Variants in FBXL7 observed in about 807,000 individuals in gnomAD.
The protein encoded by FBXL7 is F-box/LRR-repeat protein 7.
A neutral mutation model predicts 38.3 loss-of-function variants in FBXL7; 12 were observed. The ratio of observed to expected loss-of-function variants is 0.31; its 90% CI spans 0.20 to 0.51. The LOEUF is 0.51. Among genes scored for constraint, FBXL7 ranks in the 20% least tolerant of loss-of-function variants. The pLI is 0.98. For synonymous variants in FBXL7, 297 were observed against 300.9 expected (o/e 0.99, Z 0.13); for missense variants, 567 against 676.4 (o/e 0.84, Z 1.79).
At position 15,591,922 on chromosome 5, in the gene FBXL7, G is replaced by T. The variant is rs538984531; in HGVS notation, c.38-24061G>T. On this transcript the variant is annotated intron_variant, in intron 1 of 3. Transcript: ENST00000504595. ...AGATGGGGTTTCACCATGTTGGCCA[G>T]GATGGTCTTGATCTCTTGACCTTGT... Among the ~76,000 whole-genome samples, 51 of 152,246 alleles carry T rather than the reference G, an allele frequency of 3.3e-4. 1 individual carries two copies. Among genetic ancestry groups the T allele is most frequent in the African/African-American group, 1.1e-3 (46 of 41,560 alleles).
At chr5:15,580,665 G>T in intron 1 of FBXL7, 1 of 985,430 alleles carries the variant, frequency 1.0e-6, no homozygotes, top group Non-Finnish European at 1.2e-6. Context: ...AAGGCAACAT[G>T]AAAATTAACC....
chr5:15,699,210 C>T (rs975454064), intron 2 of FBXL7, among the ~76,000 whole-genome samples: 1 of 152,080 alleles, frequency 6.6e-6, no homozygotes, highest in African/African-American at 2.4e-5. Context: ...CTGGGGGCTA[C>T]CGAAACAAAG....
chr5:15,725,073 CTT>C (rs1329632805), intron 2 of FBXL7, among the ~76,000 whole-genome samples: 2 of 152,192 alleles, frequency 1.3e-5, no homozygotes, highest in African/African-American at 4.8e-5. Flanking sequence ...ACTATTTACA[CTT>C]TCTGTGTCCT....
intron 2 of FBXL7, among the ~76,000 whole-genome samples, chr5:15,622,032 C>T (rs1189772507): frequency 6.6e-6 from 1 of 152,022 alleles, no homozygotes; most frequent in East Asian, 1.9e-4. Flanking sequence ...GAAAGACATG[C>T]ACAAATAGCT....
At chr5:15,875,227 T>C (rs556875789) in intron 2 of FBXL7, among the ~76,000 whole-genome samples, 2 of 152,332 alleles carry the variant, frequency 1.3e-5, no homozygotes, top group African/African-American at 4.8e-5. Context: ...AAGTTGACAC[T>C]GGACCCCTTC....
At position 15,902,199 on chromosome 5, in the gene FBXL7, A is replaced by T. The variant is rs1429627536; in HGVS notation, c.128-25691A>T. On this transcript the variant is annotated intron_variant, in intron 2 of 3. Transcript: ENST00000504595. ...GGCTGAGTTTTCCCCCTTCCCCCACAGCATGTTCAATATTTGGATTGGAAC... is the reference window on the plus strand; with the variant it reads ...GGCTGAGTTTTCCCCCTTCCCCCACTGCATGTTCAATATTTGGATTGGAAC... Among the ~76,000 whole-genome samples, 5 of 152,122 alleles carry T rather than the reference A, an allele frequency of 3.3e-5. No individual in the cohort carries two copies. In the East Asian group the frequency reaches 9.6e-4, roughly 29 times the overall value.
intron 2 of FBXL7, among the ~76,000 whole-genome samples, chr5:15,768,365 A>T (rs1209775104): frequency 6.6e-6 from 1 of 152,036 alleles, no homozygotes; most frequent in Non-Finnish European, 1.5e-5. Context: ...CCCAGTCCCT[A>T]CTGAAAATAC....
At chr5:15,647,576 G>A (rs1741571703) in intron 2 of FBXL7, among the ~76,000 whole-genome samples, 1 of 152,174 alleles carries the variant, frequency 6.6e-6, no homozygotes, top group South Asian at 2.1e-4. Context: ...TGCGGTGAAT[G>A]TAGTGAATTA....
In FBXL7 at chr5:15,517,007, TTTTTTA is replaced by T. The variant is rs569391751; in HGVS notation, c.37+16312_37+16317del. 1.5e-3 allele frequency among the ~76,000 whole-genome samples: 235 copies of T among 152,018 alleles called. 1 individual carries two copies. Among genetic ancestry groups the T allele is most frequent in the African/African-American group, 5.5e-3 (228 of 41,414 alleles). ...AATACATAGATATTGGGTTTTTTAT[TTTTTTA>T]TTTTTATTTTTATTTTTTATTTTTA... On this transcript the variant is annotated intron_variant, in intron 1 of 3. Transcript: ENST00000504595.
At chr5:15,588,687 G>C (rs1481751939) in intron 1 of FBXL7, among the ~76,000 whole-genome samples, 1 of 151,976 alleles carries the variant, frequency 6.6e-6, no homozygotes, top group Non-Finnish European at 1.5e-5. Context: ...GCGCCCGGCC[G>C]CCATGTTGTA....
chr5:15,699,426 C>T (rs1008078424), intron 2 of FBXL7, among the ~76,000 whole-genome samples: 4 of 152,168 alleles, frequency 2.6e-5, no homozygotes, highest in African/African-American at 9.7e-5. Flanking sequence ...CCTCTTCCTT[C>T]GCCATCCCGT....
At chr5:15,713,910 C>T (rs1049524887) in intron 2 of FBXL7, among the ~76,000 whole-genome samples, 5 of 152,198 alleles carry the variant, frequency 3.3e-5, no homozygotes, top group Non-Finnish European at 7.3e-5. Context: ...TAAATACCTA[C>T]ACTGTCCTTG....
rs553355384 is a variant in FBXL7, at chr5:15,869,396, T to G, written c.128-58494T>G. On this transcript the variant is annotated intron_variant, in intron 2 of 3. Transcript: ENST00000504595. ...TCCCCGTTAACAAACACTGCTTTAA[T>G]GTTGTTATCAGCCGTACTTCCGGCC... Among the ~76,000 whole-genome samples the G allele has an allele frequency of 2.5e-4, 38 of 152,280 alleles. No homozygotes were observed. In the South Asian group the frequency reaches 7.0e-3, roughly 28 times the overall value.
rs748221512 is a variant in FBXL7 at position 15,500,743 on chromosome 5, G to A, written c.37+30G>A. Reference sequence around the variant, plus strand: ...GTGGGCCGCCCGTCCTCAGACTCCCGGATCGCGTCCCTCCTCCCCTTTCCC... The same window carrying A: ...GTGGGCCGCCCGTCCTCAGACTCCCAGATCGCGTCCCTCCTCCCCTTTCCC... On this transcript the variant is annotated intron_variant, in intron 1 of 3. Coordinates refer to ENST00000504595, the MANE Select transcript of FBXL7 (RefSeq NM_012304.5). 247 of 1,601,308 alleles carry A rather than the reference G, an allele frequency of 1.5e-4. 5 individuals carry two copies. The Middle Eastern group carries it at 2.7e-3, about 17-fold the overall frequency.
At chr5:15,750,081 T>C (rs564112111) in intron 2 of FBXL7, among the ~76,000 whole-genome samples, 57 of 152,316 alleles carry the variant, frequency 3.7e-4, no homozygotes, top group African/African-American at 1.0e-3. Context: ...TTCGTTTTTA[T>C]TTACTGAAGA....
intron 1 of FBXL7, among the ~76,000 whole-genome samples, chr5:15,570,595 C>T (rs1299519614): frequency 6.6e-6 from 1 of 152,180 alleles, no homozygotes; most frequent in Non-Finnish European, 1.5e-5. Context: ...TGGCCAGGGT[C>T]TGTGACTGTT....
At chr5:15,646,703 G>C (rs186490025) in intron 2 of FBXL7, among the ~76,000 whole-genome samples, 2 of 152,196 alleles carry the variant, frequency 1.3e-5, no homozygotes, top group Admixed American at 6.5e-5. Context: ...TAATGTTAAC[G>C]GTGTGTTACC....
intron 2 of FBXL7, among the ~76,000 whole-genome samples, chr5:15,724,613 G>A (rs1265281544): frequency 2.0e-5 from 3 of 151,868 alleles, no homozygotes; most frequent in East Asian, 1.9e-4. Flanking sequence ...GCTCTTTTGG[G>A]GTCTGAAATT....
intron 2 of FBXL7, among the ~76,000 whole-genome samples, chr5:15,711,573 G>T (rs1006765912): frequency 2.0e-5 from 3 of 152,084 alleles, no homozygotes; most frequent in African/African-American, 4.8e-5. Context: ...AGGTGGTCAG[G>T]GCCTGAATTA....
Sources: allele counts gnomAD v4.1 joint callset (sites outside exome capture counted in the v4.1 genomes callset), GRCh38; gene constraint gnomAD v4.1.1; transcripts MANE v1.5; gene names NCBI Gene and HGNC (gene_info 2026-07-23, HGNC 2026-07-21).